The following GALNTL6 variants were observed in gnomAD, a reference collection of about 807,000 sequenced individuals.
GALNTL6 encodes the protein polypeptide N-acetylgalactosaminyltransferase like 6.
In GALNTL6, 46 loss-of-function variants were observed where a neutral mutation model predicts 73.7. The ratio of observed to expected loss-of-function variants is 0.62; its 90% CI spans 0.49 to 0.80. GALNTL6 has a LOEUF of 0.80. Among genes scored for constraint, GALNTL6 ranks in the 30% least tolerant of loss-of-function variants. The pLI is 0.00. For synonymous variants in GALNTL6, 259 were observed against 263.7 expected, an observed-to-expected ratio of 0.98 and a Z score of 0.17; for missense variants, 604 against 755.0, an observed-to-expected ratio of 0.80 and a Z score of 2.34.
intron 5 of GALNTL6, among the ~76,000 whole-genome samples, chr4:172,453,103 C>T (rs1289028365): frequency 1.3e-5 from 2 of 151,684 alleles, no homozygotes; most frequent in Admixed American, 6.6e-5. Flanking sequence ...CCGGAGGCTG[C>T]GGCAGAAGAA....
intron 5 of GALNTL6, among the ~76,000 whole-genome samples, chr4:172,619,817 CAT>C (rs1358610680): frequency 1.3e-5 from 2 of 152,146 alleles, no homozygotes; most frequent in Non-Finnish European, 2.9e-5. Flanking sequence ...AGAATAGCCA[CAT>C]GAGTTTCACC....
rs74676437 is a variant in GALNTL6, at chr4:172,286,915, G to A, written c.248-24699G>A. On this transcript the variant is annotated intron_variant, in intron 3 of 12. Transcript: ENST00000506823. ...GTGACTCATGCAGTATGCCCTTCTC[G>A]CTTAAATTCCTATGGTACAGAAGCA... 4.1e-4 allele frequency among the ~76,000 whole-genome samples: 63 copies of A among 152,150 alleles called. 1 individual carries two copies. The East Asian group carries it at 9.7e-3, about 23-fold the overall frequency.
intron 7 of GALNTL6, among the ~76,000 whole-genome samples, chr4:172,837,845 T>A (rs1170354485): frequency 2.0e-5 from 3 of 152,156 alleles, no homozygotes; most frequent in Non-Finnish European, 4.4e-5. Flanking sequence ...CTTCATGGGG[T>A]TTACTAACTC....
intron 5 of GALNTL6, among the ~76,000 whole-genome samples, chr4:172,713,534 T>C (rs1734855285): frequency 6.6e-6 from 1 of 152,104 alleles, no homozygotes; most frequent in Admixed American, 6.6e-5. Context: ...CTGATTTAAA[T>C]ATTCCTCTCA....
intron 2 of GALNTL6, among the ~76,000 whole-genome samples, chr4:172,014,389 A>G (rs1048496714): frequency 2.0e-5 from 3 of 151,856 alleles, no homozygotes; most frequent in African/African-American, 7.3e-5. Flanking sequence ...ATTTATTAGT[A>G]CCTGTCTTTT....
At chr4:172,152,995 G>T (rs1251967689) in intron 2 of GALNTL6, among the ~76,000 whole-genome samples, 2 of 152,192 alleles carry the variant, frequency 1.3e-5, no homozygotes, top group South Asian at 4.1e-4. Context: ...ACATTATAAT[G>T]AGTGAAAGGA....
chr4:171,909,018 T>A, intron 2 of GALNTL6, among the ~76,000 whole-genome samples: 1 of 143,694 alleles, frequency 7.0e-6, no homozygotes, highest in East Asian at 2.2e-4. Context: ...GGAGGAGGGA[T>A]AGCATTGGGA....
chr4:172,236,494 G>A (rs1737243848), intron 3 of GALNTL6, among the ~76,000 whole-genome samples: 1 of 149,854 alleles, frequency 6.7e-6, no homozygotes, highest in Non-Finnish European at 1.5e-5. Flanking sequence ...CGGGAGGCAG[G>A]GCTTGCAGTG....
At chr4:171,963,853 T>C (rs908843981) in intron 2 of GALNTL6, among the ~76,000 whole-genome samples, 1 of 152,184 alleles carries the variant, frequency 6.6e-6, no homozygotes, top group African/African-American at 2.4e-5. Context: ...TCTGCACATC[T>C]TGAGAGCAGA....
chr4:172,441,595 G>C (rs1211314378), intron 5 of GALNTL6, among the ~76,000 whole-genome samples: 1 of 152,010 alleles, frequency 6.6e-6, no homozygotes, highest in East Asian at 1.9e-4. Flanking sequence ...GTTTAAAATG[G>C]CCTCCAAGCA....
chr4:172,936,126 A>G (rs1281326844), intron 9 of GALNTL6, among the ~76,000 whole-genome samples: 4 of 152,222 alleles, frequency 2.6e-5, no homozygotes, highest in African/African-American at 7.2e-5. Flanking sequence ...GCTGCTCAAC[A>G]TACGCAAATC....
intron 8 of GALNTL6, among the ~76,000 whole-genome samples, chr4:172,917,925 T>C (rs1289726322): frequency 1.3e-5 from 2 of 152,248 alleles, no homozygotes; most frequent in African/African-American, 4.8e-5. Flanking sequence ...TTATAAATCA[T>C]GCTACTATAA....
chr4:172,274,926 C>A (rs1738776953), intron 3 of GALNTL6, among the ~76,000 whole-genome samples: 1 of 152,154 alleles, frequency 6.6e-6, no homozygotes, highest in South Asian at 2.1e-4. Context: ...AATGTTGAAT[C>A]TTTTACATTT....
chr4:172,433,635 G>T (rs1191115200), intron 5 of GALNTL6, among the ~76,000 whole-genome samples: 1 of 151,994 alleles, frequency 6.6e-6, no homozygotes, highest in Non-Finnish European at 1.5e-5. Flanking sequence ...ATCTTCTTTA[G>T]TGCTTCCTCC....
intron 2 of GALNTL6, among the ~76,000 whole-genome samples, chr4:171,869,146 G>C (rs1352763547): frequency 6.6e-6 from 1 of 152,140 alleles, no homozygotes. Flanking sequence ...TCAAGCTATG[G>C]GGTCAGGACT....
At position 172,700,684 on chromosome 4, in the gene GALNTL6, T is replaced by C. The variant is rs1479529746; in HGVS notation, c.554-108677T>C. 2.6e-5 allele frequency among the ~76,000 whole-genome samples: 4 copies of C among 152,302 alleles called. No individual in the cohort carries two copies. In the East Asian group the frequency reaches 7.7e-4, roughly 29 times the overall value. On this transcript the variant is annotated intron_variant, in intron 5 of 12. Coordinates refer to ENST00000506823, the MANE Select transcript of GALNTL6 (RefSeq NM_001034845.3). ...TTCTGATCTCTTCATCACTTATTAC[T>C]TTGCTCCCTGCAAAAATCATTAACA...
chr4:171,983,949 G>A (rs1739990799), intron 2 of GALNTL6, among the ~76,000 whole-genome samples: 1 of 152,138 alleles, frequency 6.6e-6, no homozygotes, highest in Non-Finnish European at 1.5e-5. Context: ...CCCTAGTGTG[G>A]GCCTCAGCAC....
intron 5 of GALNTL6, among the ~76,000 whole-genome samples, chr4:172,740,078 A>G (rs1429670933): frequency 6.6e-6 from 1 of 151,796 alleles, no homozygotes; most frequent in East Asian, 1.9e-4. Flanking sequence ...CTCTGACCTC[A>G]TCTCGTACCG....
intron 5 of GALNTL6, among the ~76,000 whole-genome samples, chr4:172,792,671 C>CTTTT (rs71594009): frequency 2.9e-5 from 4 of 135,686 alleles, no homozygotes; most frequent in African/African-American, 1.1e-4. Context: ...CATAGTTTAG[C>CTTTT]TTTTTTTTTT....
Sources: allele counts gnomAD v4.1 joint callset (sites outside exome capture counted in the v4.1 genomes callset), GRCh38; gene constraint gnomAD v4.1.1; transcripts MANE v1.5; gene names NCBI Gene and HGNC (gene_info 2026-07-23, HGNC 2026-07-21).